The following CTNNA3 variants were observed in gnomAD, a reference collection of about 807,000 sequenced individuals.
CTNNA3 encodes the protein catenin alpha-3.
In CTNNA3, 76 loss-of-function variants were observed where a neutral mutation model predicts 95.7. That is an observed-to-expected ratio of 0.79 (90% CI 0.66 to 0.96). The LOEUF (loss-of-function observed/expected upper bound fraction) is 0.96. Among genes scored for constraint, CTNNA3 ranks in the 40% least tolerant of loss-of-function variants. The pLI is 0.00. For synonymous variants in CTNNA3, 431 were observed against 374.4 expected (o/e 1.15, Z -1.74); for missense variants, 1,191 against 1,089.8 (o/e 1.09, Z -1.31).
chr10:67,515,603 TA>T (rs904713281), intron 5 of CTNNA3, among the ~76,000 whole-genome samples: 2 of 152,212 alleles, frequency 1.3e-5, no homozygotes, highest in East Asian at 1.9e-4. Context: ...ATAAATGGCA[TA>T]AAAAATCATT....
At chr10:66,297,917 T>C (rs2091805197) in intron 12 of CTNNA3, among the ~76,000 whole-genome samples, 1 of 152,052 alleles carries the variant, frequency 6.6e-6, no homozygotes, top group African/African-American at 2.4e-5. Context: ...AGCAGATGAG[T>C]ATAATAGGAG....
chr10:65,993,464 T>C (rs945295345), intron 15 of CTNNA3, among the ~76,000 whole-genome samples: 4 of 152,340 alleles, frequency 2.6e-5, no homozygotes, highest in Middle Eastern at 3.4e-3. Flanking sequence ...TTATATTCTC[T>C]TGCTGGATTT....
At chr10:66,926,483 C>T in intron 7 of CTNNA3, 4 of 1,369,332 alleles carry the variant, frequency 2.9e-6, no homozygotes, top group Admixed American at 2.1e-5. Context: ...TGGGTGTCAG[C>T]GAGCCCTGAC....
intron 10 of CTNNA3, among the ~76,000 whole-genome samples, chr10:66,594,834 G>T (rs1051880728): frequency 6.6e-5 from 10 of 152,018 alleles, no homozygotes; most frequent in Admixed American, 6.6e-5. Flanking sequence ...CAAGTTACAA[G>T]AATCTTTTGT....
intron 10 of CTNNA3, among the ~76,000 whole-genome samples, chr10:66,522,313 A>G (rs933257487): frequency 2.6e-5 from 4 of 152,020 alleles, no homozygotes; most frequent in South Asian, 4.2e-4. Context: ...ATTTTAGCAG[A>G]GTTTATGTTG....
chr10:67,253,108 C>T (rs1259650951), intron 5 of CTNNA3, among the ~76,000 whole-genome samples: 2 of 152,162 alleles, frequency 1.3e-5, no homozygotes, highest in African/African-American at 4.8e-5. Context: ...AGCATCACTA[C>T]TCTTGTGCTT....
chr10:66,433,504 T>C (rs1205658805), intron 11 of CTNNA3, among the ~76,000 whole-genome samples: 3 of 152,212 alleles, frequency 2.0e-5, no homozygotes, highest in Non-Finnish European at 4.4e-5. Flanking sequence ...GTTTTTCTCT[T>C]GTAAATTCAT....
chr10:67,415,397 C>A (rs1845508366), intron 5 of CTNNA3, among the ~76,000 whole-genome samples: 1 of 152,090 alleles, frequency 6.6e-6, no homozygotes, highest in Non-Finnish European at 1.5e-5. Flanking sequence ...ATTCCACTTA[C>A]AATAGCCACA....
intron 7 of CTNNA3, among the ~76,000 whole-genome samples, chr10:66,811,669 C>T (rs1376466598): frequency 4.6e-5 from 7 of 152,176 alleles, no homozygotes; most frequent in Non-Finnish European, 1.0e-4. Context: ...CACTCATTTA[C>T]AAACGCTCTC....
chr10:66,097,524 T>C (rs1253109198), intron 14 of CTNNA3, among the ~76,000 whole-genome samples: 1 of 152,150 alleles, frequency 6.6e-6, no homozygotes. Context: ...GTTAGAAATG[T>C]AACTTTATGA....
chr10:67,130,422 C>T (rs1360967730), intron 7 of CTNNA3, among the ~76,000 whole-genome samples: 2 of 152,126 alleles, frequency 1.3e-5, no homozygotes, highest in African/African-American at 4.8e-5. Context: ...CTGACCCTAA[C>T]ACCATTTAGG....
chr10:66,868,687 G>A (rs1351577378), intron 7 of CTNNA3, among the ~76,000 whole-genome samples: 1 of 151,106 alleles, frequency 6.6e-6, no homozygotes, highest in African/African-American at 2.4e-5. Context: ...GAAGGCAGAG[G>A]TTGCAGTGAG....
chr10:67,202,547 C>T (rs1037036087), intron 6 of CTNNA3, among the ~76,000 whole-genome samples: 6 of 152,020 alleles, frequency 3.9e-5, no homozygotes, highest in African/African-American at 9.7e-5. Context: ...AGCTGGAATT[C>T]GCAAGACCAA....
rs1234750195 is a variant in CTNNA3 at position 66,755,476 on chromosome 10, T to C, written c.1281+10788A>G. On this transcript the variant is annotated intron_variant, in intron 9 of 17. Transcript: ENST00000433211. The stretch of plus-strand genomic sequence containing the variant: ...TAATAGATATCTCAAAAAAGATCAT[T>C]GATATCATTTGTAATTAGGGAAATG... Among the ~76,000 whole-genome samples the C allele has an allele frequency of 2.0e-5, 3 of 152,290 alleles. No individual in the cohort carries two copies. In the East Asian group the frequency reaches 5.8e-4, roughly 29 times the overall value.
At chr10:67,589,185 A>G (rs1167000152) in intron 3 of CTNNA3, among the ~76,000 whole-genome samples, 2 of 152,134 alleles carry the variant, frequency 1.3e-5, no homozygotes, top group Non-Finnish European at 2.9e-5. Context: ...GAACTTTGGA[A>G]ACACTATTTG....
Position 66,388,872 on chromosome 10 carries a change from C to G in CTNNA3, c.1532-9520G>C, listed in dbSNP as rs181315041. Among the ~76,000 whole-genome samples the G allele has an allele frequency of 1.1e-4, 17 of 152,148 alleles. No individual in the cohort carries two copies. In the East Asian group the frequency reaches 3.1e-3, roughly 28 times the overall value. The stretch of plus-strand genomic sequence containing the variant: ...TGAATGCTTTACAGAATGCTAGGAA[C>G]AACTATTTGCATGAAGCTCTAAACA... On this transcript the variant is annotated intron_variant, in intron 11 of 17. Coordinates refer to ENST00000433211, the MANE Select transcript of CTNNA3 (RefSeq NM_013266.4).
intron 14 of CTNNA3, among the ~76,000 whole-genome samples, chr10:66,083,744 C>G (rs1255040995): frequency 6.6e-6 from 1 of 152,032 alleles, no homozygotes; most frequent in Non-Finnish European, 1.5e-5. Context: ...GATATTGTGT[C>G]CCAAATATAA....
intron 12 of CTNNA3, among the ~76,000 whole-genome samples, chr10:66,331,777 C>T (rs2092333870): frequency 6.6e-6 from 1 of 151,880 alleles, no homozygotes; most frequent in Admixed American, 6.6e-5. Context: ...ATTGACTTGG[C>T]AATGCGGGCT....
chr10:67,723,326 C>G (rs536523448), intron 1 of CTNNA3, among the ~76,000 whole-genome samples: 21 of 147,298 alleles, frequency 1.4e-4, no homozygotes, highest in Admixed American at 2.7e-4. Flanking sequence ...GGGTCTCATT[C>G]TGTTGCTGAG....
Sources: allele counts gnomAD v4.1 joint callset (sites outside exome capture counted in the v4.1 genomes callset), GRCh38; gene constraint gnomAD v4.1.1; transcripts MANE v1.5; gene names NCBI Gene and HGNC (gene_info 2026-07-23, HGNC 2026-07-21).